The following CHD4 variants were observed in gnomAD, a reference collection of about 807,000 sequenced individuals.
CHD4 encodes the protein chromodomain helicase DNA binding protein 4.
Under a neutral mutation model 235.5 loss-of-function variants are expected in CHD4, and 35 were observed. The observed-to-expected ratio is 0.15, with a 90% confidence interval of 0.11 to 0.20. CHD4 has a LOEUF of 0.20. Ranked by LOEUF, CHD4 falls within the 10% of genes least tolerant of loss-of-function variation. The pLI is 1.00. For missense variants in CHD4, 1,329 were observed against 2,432.3 expected (o/e 0.55, Z 9.54); for synonymous variants, 900 against 850.2 (o/e 1.06, Z -1.02).
intron 2 of CHD4, among the ~76,000 whole-genome samples, chr12:6,603,911 C>A (rs2136227926): frequency 6.6e-6 from 1 of 152,258 alleles, no homozygotes. Flanking sequence ...CCTCACCACT[C>A]CCACCCAGAT....
chr12:6,600,150 C>T lies in CHD4; in HGVS notation c.1242+67G>A, dbSNP rs2267971. ...AGCATTTCCATTTCCATCCAGGCCC[C>T]GAAGAGCTTTACTGTCCCACCCTTC... On this transcript the variant is annotated intron_variant, in intron 9 of 39. Coordinates refer to ENST00000544040, the MANE Select transcript of CHD4 (RefSeq NM_001273.5). The T allele has an allele frequency of 3.9e-3, 6,268 of 1,587,510 alleles. 234 individuals carry two copies. The East Asian group carries it at 0.1, about 26-fold the overall frequency.
chr12:6,576,961 G>C (rs1333872272), intron 37 of CHD4, among the ~76,000 whole-genome samples: 2 of 150,114 alleles, frequency 1.3e-5, no homozygotes, highest in African/African-American at 2.5e-5. Context: ...TTTTGAGACA[G>C]AGTCTCACTC....
intron 22 of CHD4, among the ~76,000 whole-genome samples, chr12:6,589,706 G>C (rs1465564784): frequency 6.6e-6 from 1 of 151,546 alleles, no homozygotes; most frequent in African/African-American, 2.4e-5. Flanking sequence ...GGCAGAGGTT[G>C]CAGTCAGCCA....
chr12:6,595,625 TA>T (rs1187052635), intron 13 of CHD4, among the ~76,000 whole-genome samples, 195 bp from the exon 14 acceptor site: 1 of 151,850 alleles, frequency 6.6e-6, no homozygotes, highest in Non-Finnish European at 1.5e-5. Context: ...CCGTCTCTAC[TA>T]AAAATACAAA....
At position 6,595,992 on chromosome 12, in the gene CHD4, C is replaced by A. The variant is rs762673415; in HGVS notation, c.2024+14G>T. 11 of 1,603,966 alleles carry A rather than the reference C, an allele frequency of 6.9e-6. No individual in the cohort carries two copies. The Admixed American group carries it at 1.9e-4, about 28-fold the overall frequency. ...AAAAAGAAACAACTCTATGCCTCAC[C>A]CAAAATCACTCACCTGTGATTCCAA... On this transcript the variant is annotated intron_variant, in intron 13 of 39. Transcript: ENST00000544040.
At chr12:6,599,552 A>C (rs1948554632) in intron 10 of CHD4, among the ~76,000 whole-genome samples, 1 of 152,194 alleles carries the variant, frequency 6.6e-6, no homozygotes, top group African/African-American at 2.4e-5. Flanking sequence ...ACATTGCTTC[A>C]TCTCCTCTTA....
chr12:6,588,855 G>C (rs1235907809), intron 22 of CHD4, among the ~76,000 whole-genome samples: 2 of 152,142 alleles, frequency 1.3e-5, no homozygotes, highest in Non-Finnish European at 2.9e-5. Flanking sequence ...TGAGGCAGGA[G>C]AATCACTTGA....
intron 22 of CHD4, among the ~76,000 whole-genome samples, chr12:6,590,955 T>C (rs1325402479): frequency 6.6e-6 from 1 of 151,582 alleles, no homozygotes; most frequent in Non-Finnish European, 1.5e-5. Flanking sequence ...AAACCACATC[T>C]CTACTAAAAA....
At chr12:6,596,239 G>T in intron 12 of CHD4, 102 bp from the exon 13 acceptor site, 2 of 1,427,162 alleles carry the variant, frequency 1.4e-6, no homozygotes, top group Non-Finnish European at 1.9e-6. Context: ...AGACCTCTAG[G>T]TATGCCACAG....
chr12:6,582,269 A>G lies in CHD4; in HGVS notation c.4383T>C (p.Ser1461=). Reference sequence around the variant, plus strand: ...GCTCACATAAATGCCGCATGAAAAGAGAGACATATGCCCTGTGTAAAGAAG... The same window carrying G: ...GCTCACATAAATGCCGCATGAAAAGGGAGACATATGCCCTGTGTAAAGAAG... ...KSEKEFKAYV[S]LFMRHLCEPG... The change falls in exon 30 of 40, where the codon TCT becomes TCC. Residue 1461 remains serine, a synonymous_variant. Transcript: ENST00000544040. The G allele has an allele frequency of 1.3e-6, 2 of 1,590,808 alleles. No homozygotes were observed. Among genetic ancestry groups the G allele is most frequent in the Non-Finnish European group, 1.7e-6 (2 of 1,170,006 alleles).
rs558253132 is a variant in CHD4 at position 6,598,500 on chromosome 12, C to T, written c.1483-75G>A. 3 of 1,221,766 alleles carry T rather than the reference C, an allele frequency of 2.5e-6. No homozygotes were observed. The South Asian group carries it at 4.3e-5, about 17-fold the overall frequency. 75.7% of individuals were successfully genotyped at this position (1,221,766 alleles called of 1,614,324 possible). A position where few individuals can be genotyped will look rare whatever the true frequency, so the allele number is the denominator to read the frequency against. ...AAGGGACAGCCCACAGTCTCAACTTCATCAAAGGACGATTCAGATCTCATT... is the reference window on the plus strand; with the variant it reads ...AAGGGACAGCCCACAGTCTCAACTTTATCAAAGGACGATTCAGATCTCATT... On this transcript the variant is annotated intron_variant, in intron 10 of 39. Coordinates refer to ENST00000544040, the MANE Select transcript of CHD4 (RefSeq NM_001273.5).
chr12:6,591,122 CAAAAAAAAAAA>C (rs35011913), intron 22 of CHD4: 3 of 25,582 alleles, frequency 1.2e-4, no homozygotes, highest in Non-Finnish European at 1.8e-4. Flanking sequence ...GACTCCATCT[CAAAAAAAAAAA>C]AAAAAAAAAA....
At chr12:6,581,524 C>A (rs1047539372) in intron 31 of CHD4, 125 bp downstream of exon 31, 1 of 1,534,426 alleles carries the variant, frequency 6.5e-7, no homozygotes, top group African/African-American at 1.4e-5. Flanking sequence ...GACGGCCCTC[C>A]TAAACTGAGA....
rs773599172 is a variant in CHD4, at chr12:6,590,824, G to A, written c.3340+642C>T. On this transcript the variant is annotated intron_variant, in intron 22 of 39. Transcript: ENST00000544040. The stretch of plus-strand genomic sequence containing the variant: ...CGGCAACAGAGTGAGACCCTATCTC[G>A]AATAAACAAAACAAAACAGGCTGGG... Among the ~76,000 whole-genome samples, 3 of 151,864 alleles carry A rather than the reference G, an allele frequency of 2.0e-5. No homozygotes were observed. The East Asian group carries it at 5.8e-4, about 29-fold the overall frequency.
chr12:6,601,549 A>G lies in CHD4; in HGVS notation c.558-19T>C. On this transcript the variant is annotated intron_variant, in intron 5 of 39. Coordinates refer to ENST00000544040, the MANE Select transcript of CHD4 (RefSeq NM_001273.5). Reference sequence around the variant, plus strand: ...GAGGGGTCTGGTGGAGAAATGCACAAGAGCAGAGGGAAAGGTTTAAGAATA... The same window carrying G: ...GAGGGGTCTGGTGGAGAAATGCACAGGAGCAGAGGGAAAGGTTTAAGAATA... The G allele has an allele frequency of 1.2e-6, 2 of 1,614,074 alleles. No individual in the cohort carries two copies. Among genetic ancestry groups the G allele is most frequent in the Non-Finnish European group, 1.7e-6 (2 of 1,179,896 alleles).
chr12:6,577,265 C>A (rs1047461638), intron 37 of CHD4, among the ~76,000 whole-genome samples: 2 of 151,210 alleles, frequency 1.3e-5, no homozygotes, highest in East Asian at 1.9e-4. Flanking sequence ...ACTAAAAATC[C>A]AAAAAAAACA....
chr12:6,588,222 G>A (rs780647359), intron 23 of CHD4, 76 bp downstream of exon 23: 2 of 1,534,904 alleles, frequency 1.3e-6, no homozygotes, highest in Non-Finnish European at 1.8e-6. Context: ...TCCAGATGGT[G>A]GAGCCCTCAT....
intron 13 of CHD4, among the ~76,000 whole-genome samples, chr12:6,595,638 A>C (rs557401460): frequency 1.3e-5 from 2 of 152,064 alleles, no homozygotes; most frequent in African/African-American, 4.8e-5. Context: ...AAATACAAAA[A>C]TTAGCTGGGC....
chr12:6,575,107 T>C (rs544123766), intron 37 of CHD4, among the ~76,000 whole-genome samples: 1 of 151,900 alleles, frequency 6.6e-6, no homozygotes, highest in Non-Finnish European at 1.5e-5. Flanking sequence ...GTTGAGTATA[T>C]GCAACAGAGA....
Sources: allele counts gnomAD v4.1 joint callset (sites outside exome capture counted in the v4.1 genomes callset), GRCh38; gene constraint gnomAD v4.1.1; transcripts MANE v1.5; gene names NCBI Gene and HGNC (gene_info 2026-07-23, HGNC 2026-07-21).